Variants in ADAMTSL3 observed in about 807,000 individuals in gnomAD.
ADAMTSL3 encodes ADAMTS like 3, also known as ADAMTS-like protein 3.
A neutral mutation model predicts 201.7 loss-of-function variants in ADAMTSL3; 128 were observed. The ratio of observed to expected loss-of-function variants is 0.63; its 90% CI spans 0.55 to 0.73. ADAMTSL3 has a LOEUF of 0.73. ADAMTSL3 is among the 30% of genes least tolerant of loss of function. ADAMTSL3 has a pLI of 0.00. For missense variants in ADAMTSL3, 1,990 were observed against 2,119.6 expected (o/e 0.94, Z 1.20); for synonymous variants, 738 against 748.4 (o/e 0.99, Z 0.23).
chr15:83,983,552 G>C (rs541920967), intron 21 of ADAMTSL3, among the ~76,000 whole-genome samples: 1 of 152,138 alleles, frequency 6.6e-6, no homozygotes, highest in African/African-American at 2.4e-5. Context: ...AATCACTGTC[G>C]TAGAGGTGTG....
chr15:83,991,468 T>G (rs1596507715), intron 23 of ADAMTSL3, among the ~76,000 whole-genome samples: 1 of 152,212 alleles, frequency 6.6e-6, no homozygotes, highest in African/African-American at 2.4e-5. Flanking sequence ...CCATGCACAC[T>G]GGAATGTTCA....
chr15:83,841,197 A>G (rs1321325081), intron 7 of ADAMTSL3, among the ~76,000 whole-genome samples: 1 of 152,238 alleles, frequency 6.6e-6, no homozygotes, highest in East Asian at 1.9e-4. Context: ...CAAATGCTTT[A>G]TAATTCCCAA....
At chr15:83,827,685 TG>T (rs1216637873) in intron 6 of ADAMTSL3, among the ~76,000 whole-genome samples, 1 of 152,230 alleles carries the variant, frequency 6.6e-6, no homozygotes, top group Non-Finnish European at 1.5e-5. Context: ...AATTAATTTT[TG>T]TATAAGGTGC....
Position 83,906,361 on chromosome 15 carries a change from C to T in ADAMTSL3, c.1700+6630C>T, listed in dbSNP as rs138312484. 8.4e-3 allele frequency among the ~76,000 whole-genome samples: 1,272 copies of T among 152,144 alleles called. 17 individuals carry two copies. The highest frequency in any genetic ancestry group is 0.011 in the Non-Finnish European group (746 of 68,014). ...AAACATCTTTCTAATTTTGAGTCTT[C>T]CCATTCAGGGGCATGTGGTCTCTCC... On this transcript the variant is annotated intron_variant, in intron 15 of 29. Transcript: ENST00000286744.
At chr15:83,898,061 C>A in intron 14 of ADAMTSL3, 56 bp downstream of exon 14, 1 of 1,517,906 alleles carries the variant, frequency 6.6e-7, no homozygotes, top group South Asian at 1.3e-5. Context: ...AGCTCCCATT[C>A]CAATATTGTA....
At chr15:83,695,319 G>A (rs2061673956) in intron 2 of ADAMTSL3, among the ~76,000 whole-genome samples, 1 of 114,332 alleles carries the variant, frequency 8.7e-6, no homozygotes, top group Non-Finnish European at 1.9e-5. Context: ...GAAAATTCCA[G>A]AGAAAATGCA....
At chr15:83,837,320 G>T (rs2064294185) in intron 6 of ADAMTSL3, among the ~76,000 whole-genome samples, 1 of 151,002 alleles carries the variant, frequency 6.6e-6, no homozygotes, top group South Asian at 2.1e-4. Flanking sequence ...TTTAGAGATA[G>T]AAGTAAAAAC....
chr15:84,036,017 C>T (rs1285325888), intron 28 of ADAMTSL3, among the ~76,000 whole-genome samples: 1 of 152,134 alleles, frequency 6.6e-6, no homozygotes, highest in Non-Finnish European at 1.5e-5. Flanking sequence ...TCAACCAGCT[C>T]AAGTTAGGGC....
chr15:83,875,828 T>G (rs773510643), intron 9 of ADAMTSL3, among the ~76,000 whole-genome samples: 1 of 151,754 alleles, frequency 6.6e-6, no homozygotes, highest in Non-Finnish European at 1.5e-5. Context: ...ACAATCAGGA[T>G]GTATGTGTAA....
At chr15:83,869,867 C>T (rs577368658) in intron 8 of ADAMTSL3, among the ~76,000 whole-genome samples, 6 of 152,104 alleles carry the variant, frequency 3.9e-5, no homozygotes, top group African/African-American at 1.4e-4. Flanking sequence ...AATGAAAACC[C>T]AAGGCAGAAA....
chr15:83,880,771 T>C (rs903558846), intron 9 of ADAMTSL3, among the ~76,000 whole-genome samples: 1 of 152,204 alleles, frequency 6.6e-6, no homozygotes, highest in African/African-American at 2.4e-5. Context: ...GCATAAGGTG[T>C]TGCTAGGCCC....
At chr15:83,847,368 T>G (rs1273205707) in intron 7 of ADAMTSL3, among the ~76,000 whole-genome samples, 2 of 152,188 alleles carry the variant, frequency 1.3e-5, no homozygotes, top group African/African-American at 4.8e-5. Context: ...CATTGACTTT[T>G]CCTTTTTTCG....
intron 19 of ADAMTSL3, among the ~76,000 whole-genome samples, chr15:83,959,429 C>T (rs565113529): frequency 1.3e-5 from 2 of 152,192 alleles, no homozygotes; most frequent in African/African-American, 4.8e-5. Context: ...ACATATTCTA[C>T]TAAAAGATAA....
intron 3 of ADAMTSL3, among the ~76,000 whole-genome samples, chr15:83,736,188 A>G (rs2062366903): frequency 6.6e-6 from 1 of 152,180 alleles, no homozygotes; most frequent in Non-Finnish European, 1.5e-5. Context: ...TTTTTCTGTT[A>G]ATTCTGGCCT....
chr15:83,767,843 T>C (rs750500471), intron 3 of ADAMTSL3, among the ~76,000 whole-genome samples: 6 of 152,250 alleles, frequency 3.9e-5, no homozygotes, highest in Non-Finnish European at 5.9e-5. Flanking sequence ...GGCTGCTTAC[T>C]TGGCATTATG....
At chr15:83,937,076 A>G (rs2066474103) in intron 17 of ADAMTSL3, among the ~76,000 whole-genome samples, 1 of 150,984 alleles carries the variant, frequency 6.6e-6, no homozygotes, top group South Asian at 2.1e-4. Flanking sequence ...ATGTAAATTA[A>G]TTCAGCTATT....
chr15:83,953,104 T>C (rs1823030456), intron 19 of ADAMTSL3, among the ~76,000 whole-genome samples: 2 of 152,198 alleles, frequency 1.3e-5, no homozygotes, highest in South Asian at 4.1e-4. Context: ...GCCTTTTGAT[T>C]GGGGAGTTTA....
At chr15:83,680,590 G>T (rs1488264341) in intron 2 of ADAMTSL3, among the ~76,000 whole-genome samples, 39 of 134,880 alleles carry the variant, frequency 2.9e-4, no homozygotes, top group Non-Finnish European at 6.4e-5. Context: ...TAGTTTTTCT[G>T]TTCCCTTCTT....
At chr15:83,786,995 A>G (rs1163607717) in intron 4 of ADAMTSL3, among the ~76,000 whole-genome samples, 1 of 152,212 alleles carries the variant, frequency 6.6e-6, no homozygotes, top group Non-Finnish European at 1.5e-5. Flanking sequence ...GAAGGAGTAA[A>G]TAAATGAGTG....
Sources: gnomAD v4.1 joint callset for allele counts (sites outside exome capture counted in the v4.1 genomes callset) on GRCh38, gnomAD v4.1.1 for gene constraint, MANE v1.5 for transcripts, NCBI Gene and HGNC (gene_info 2026-07-23, HGNC 2026-07-21) for gene names.